Variants in KCNH7 observed in about 807,000 individuals in gnomAD.
KCNH7 encodes potassium voltage-gated channel subfamily H member 7, also known as voltage-gated inwardly rectifying potassium channel KCNH7.
KCNH7 carries 49 observed loss-of-function variants against 120.8 expected under a neutral mutation model. The ratio of observed to expected loss-of-function variants is 0.41; its 90% CI spans 0.32 to 0.51. The LOEUF (loss-of-function observed/expected upper bound fraction) is 0.51, where lower values mean the gene tolerates loss of function less well. Among genes scored for constraint, KCNH7 ranks in the 20% least tolerant of loss-of-function variants. The pLI is 0.38. For synonymous variants in KCNH7, 547 were observed against 516.1 expected, an observed-to-expected ratio of 1.06 and a Z score of -0.81; for missense variants, 1,097 against 1,446.6, an observed-to-expected ratio of 0.76 and a Z score of 3.92.
intron 2 of KCNH7, among the ~76,000 whole-genome samples, chr2:162,732,053 G>A (rs1209351534): frequency 6.6e-6 from 1 of 152,126 alleles, no homozygotes; most frequent in Non-Finnish European, 1.5e-5. Flanking sequence ...GATGTTGAAG[G>A]GGCTTTCTAG....
intron 8 of KCNH7, among the ~76,000 whole-genome samples, chr2:162,434,371 CT>C (rs1423010615): frequency 6.6e-6 from 1 of 152,002 alleles, no homozygotes; most frequent in African/African-American, 2.4e-5. Flanking sequence ...CACATACCCC[CT>C]GAATCTAAAA....
intron 9 of KCNH7, among the ~76,000 whole-genome samples, chr2:162,417,568 C>T (rs1687576715): frequency 6.6e-6 from 1 of 152,176 alleles, no homozygotes; most frequent in African/African-American, 2.4e-5. Context: ...GAAACTGAAG[C>T]ATCAAAGTAG....
chr2:162,764,079 T>A (rs2105457031), intron 2 of KCNH7, among the ~76,000 whole-genome samples: 1 of 152,256 alleles, frequency 6.6e-6, no homozygotes, highest in East Asian at 1.9e-4. Flanking sequence ...ATATTTGGCT[T>A]TTCTCTTGCT....
At chr2:162,467,489 G>C (rs1341987751) in intron 6 of KCNH7, among the ~76,000 whole-genome samples, 1 of 152,068 alleles carries the variant, frequency 6.6e-6, no homozygotes, top group East Asian at 1.9e-4. Flanking sequence ...TCTCTCTCTT[G>C]CCTCCTCTCT....
chr2:162,598,293 C>T (rs569235597), intron 2 of KCNH7, among the ~76,000 whole-genome samples: 93 of 151,846 alleles, frequency 6.1e-4, no homozygotes, highest in Non-Finnish European at 9.9e-4. Flanking sequence ...ACTATAGTAA[C>T]GGAGTGAAAT....
chr2:162,458,079 A>T (rs1209308297), intron 6 of KCNH7, among the ~76,000 whole-genome samples: 1 of 151,002 alleles, frequency 6.6e-6, no homozygotes, highest in East Asian at 1.9e-4. Context: ...CAAGGCTTAG[A>T]TTAAAATAGA....
chr2:162,513,408 T>C (rs1691171705), intron 4 of KCNH7, among the ~76,000 whole-genome samples: 1 of 144,156 alleles, frequency 6.9e-6, no homozygotes, highest in Non-Finnish European at 1.5e-5. Context: ...CTTCCTTCTT[T>C]CCTTCCTTCC....
At chr2:162,664,443 G>A (rs1685068973) in intron 2 of KCNH7, among the ~76,000 whole-genome samples, 1 of 152,096 alleles carries the variant, frequency 6.6e-6, no homozygotes, top group Non-Finnish European at 1.5e-5. Context: ...AAACTCACAA[G>A]CCTCATTTAA....
chr2:162,663,363 C>A (rs1685032919), intron 2 of KCNH7, among the ~76,000 whole-genome samples: 1 of 152,136 alleles, frequency 6.6e-6, no homozygotes, highest in Admixed American at 6.5e-5. Flanking sequence ...TCATCAACAT[C>A]TGTTTCTTTT....
At chr2:162,594,779 G>GAT (rs1181432234) in intron 2 of KCNH7, among the ~76,000 whole-genome samples, 8 of 151,874 alleles carry the variant, frequency 5.3e-5, no homozygotes, top group African/African-American at 1.9e-4. Flanking sequence ...TATACTGGAG[G>GAT]ATATATATAG....
rs942281392 is a variant in KCNH7 at position 162,394,425 on chromosome 2, T to C, written c.2674A>G (p.Arg892Gly). ...DSEGDNCKLR[R>G]RKLSFESEGE... ...TCACTTTCAAATGACAATTTCCTTC[T>C]TCTTAGTTTACAGTTGTCTCCTTCT... Residue 892 changes from arginine (R) to glycine (G), a missense_variant, in exon 12 of 16, where the codon AGA becomes GGA. Around this residue, in one of 8 missense-constraint regions of KCNH7, gnomAD observed 406 missense variants for 410.5 expected, o/e 0.99. Coordinates refer to ENST00000332142, the MANE Select transcript of KCNH7 (RefSeq NM_033272.4). 3 of 1,606,264 alleles carry C rather than the reference T, an allele frequency of 1.9e-6. No homozygotes were observed. The highest frequency in any genetic ancestry group is 1.7e-6 in the Non-Finnish European group (2 of 1,173,794).
chr2:162,424,683 G>A (rs1028553548), intron 8 of KCNH7, among the ~76,000 whole-genome samples: 1 of 152,188 alleles, frequency 6.6e-6, no homozygotes, highest in Non-Finnish European at 1.5e-5. Context: ...TTCTGGCCAT[G>A]TTTTAAACTA....
chr2:162,601,940 A>G (rs1030199848), intron 2 of KCNH7, among the ~76,000 whole-genome samples: 8 of 152,120 alleles, frequency 5.3e-5, no homozygotes, highest in East Asian at 1.9e-4. Flanking sequence ...AAATTATTAC[A>G]AAATGTTATA....
chr2:162,669,896 T>A (rs572675350), intron 2 of KCNH7, among the ~76,000 whole-genome samples: 1 of 151,782 alleles, frequency 6.6e-6, no homozygotes, highest in Non-Finnish European at 1.5e-5. Context: ...GGTCAGGAGT[T>A]CAAGAGCAGC....
intron 12 of KCNH7, among the ~76,000 whole-genome samples, chr2:162,385,513 A>G (rs1686546780): frequency 6.6e-6 from 1 of 151,972 alleles, no homozygotes; most frequent in African/African-American, 2.4e-5. Flanking sequence ...AAGCTTAAAT[A>G]CAGTAATTAA....
At chr2:162,614,953 T>C (rs1010982296) in intron 2 of KCNH7, among the ~76,000 whole-genome samples, 13 of 152,122 alleles carry the variant, frequency 8.5e-5, no homozygotes, top group African/African-American at 2.9e-4. Context: ...AAGAAAAAGA[T>C]AAATTCATAA....
At chr2:162,503,914 T>C (rs562402239) in intron 6 of KCNH7, among the ~76,000 whole-genome samples, 1 of 152,204 alleles carries the variant, frequency 6.6e-6, no homozygotes, top group South Asian at 2.1e-4. Context: ...CAAGTTGCAG[T>C]ATTTATTTGA....
intron 6 of KCNH7, among the ~76,000 whole-genome samples, chr2:162,485,898 C>CT (rs950584350): frequency 6.6e-6 from 1 of 152,098 alleles, no homozygotes; most frequent in Non-Finnish European, 1.5e-5. Context: ...CTATTACATC[C>CT]TTTTTTTCCC....
intron 2 of KCNH7, among the ~76,000 whole-genome samples, chr2:162,642,348 G>C (rs900629437): frequency 6.6e-6 from 1 of 152,060 alleles, no homozygotes; most frequent in Non-Finnish European, 1.5e-5. Flanking sequence ...ATTTGCATTT[G>C]TACATGCTTT....
Sources: allele counts gnomAD v4.1 joint callset (sites outside exome capture counted in the v4.1 genomes callset), GRCh38; gene constraint gnomAD v4.1.1; regional missense constraint gnomAD v4.1.1; transcripts MANE v1.5; gene names NCBI Gene and HGNC (gene_info 2026-07-23, HGNC 2026-07-21).